Variants in PCDHA11 observed in about 807,000 individuals in gnomAD.
PCDHA11 encodes the protein protocadherin alpha 11.
In PCDHA11, 61 loss-of-function variants were observed where a neutral mutation model predicts 70.3. The observed-to-expected ratio is 0.87, with a 90% CI of 0.71 to 1.07. The LOEUF is 1.07. PCDHA11 is among the 50% of genes least tolerant of loss of function. PCDHA11 has a pLI of 0.00. For synonymous variants in PCDHA11, 633 were observed against 555.1 expected (o/e 1.14, Z -1.97); for missense variants, 1,324 against 1,237.5 (o/e 1.07, Z -1.05).
chr5:140,888,343 G>C (rs1476390329), intron 1 of PCDHA11, among the ~76,000 whole-genome samples: 1 of 152,152 alleles, frequency 6.6e-6, no homozygotes, highest in Admixed American at 6.5e-5. Context: ...ATTACAACTA[G>C]GGAATTGCTA....
At chr5:140,978,763 A>G (rs932766044) in intron 1 of PCDHA11, among the ~76,000 whole-genome samples, 186 bp from the exon 2 acceptor site, 11 of 152,258 alleles carry the variant, frequency 7.2e-5, no homozygotes, top group Non-Finnish European at 1.3e-4. Flanking sequence ...GAGGACCCTG[A>G]TGAACTAATT....
At chr5:140,927,481 G>A in intron 1 of PCDHA11, 1 of 1,614,072 alleles carries the variant, frequency 6.2e-7, no homozygotes, top group Non-Finnish European at 8.5e-7. Flanking sequence ...CGAACAGCGC[G>A]CCACCCACCT....
chr5:140,884,651 T>G (rs2153405863), intron 1 of PCDHA11: 2 of 1,604,404 alleles, frequency 1.2e-6, no homozygotes, highest in Non-Finnish European at 1.7e-6. Flanking sequence ...GGACTCAGAA[T>G]GCTTGAAAGA....
chr5:141,007,654 C>G (rs1461130528), intron 3 of PCDHA11, among the ~76,000 whole-genome samples: 1 of 152,052 alleles, frequency 6.6e-6, no homozygotes, highest in Non-Finnish European at 1.5e-5. Flanking sequence ...CCTAAAAAAC[C>G]ATAAATTTAC....
At chr5:140,934,163 G>A (rs2153618590) in intron 1 of PCDHA11, among the ~76,000 whole-genome samples, 1 of 152,110 alleles carries the variant, frequency 6.6e-6, no homozygotes, top group Non-Finnish European at 1.5e-5. Flanking sequence ...ATTTCAGTGT[G>A]CAACAGAAGT....
In PCDHA11 at chr5:140,988,105, A is replaced by C. The variant is rs2097283158; in HGVS notation, c.2539+5542A>C. On this transcript the variant is annotated intron_variant, in intron 3 of 3. Transcript: ENST00000398640. ...TGAGTGCAGCCTCGGGCCTTGTTGGAGAATTTAGAAAGCATGCTGTTCCAC... is the reference window on the plus strand; with the variant it reads ...TGAGTGCAGCCTCGGGCCTTGTTGGCGAATTTAGAAAGCATGCTGTTCCAC... Among the ~76,000 whole-genome samples the C allele has an allele frequency of 2.6e-5, 4 of 152,138 alleles. No individual in the cohort carries two copies. In the South Asian group the frequency reaches 8.3e-4, roughly 32 times the overall value.
At position 140,869,403 on chromosome 5, in the gene PCDHA11, G is replaced by C; in HGVS notation, c.300G>C (p.Ala100=). Residue 100 remains alanine, a synonymous_variant, in exon 1 of 4, where the codon GCG becomes GCC. Coordinates refer to ENST00000398640, the MANE Select transcript of PCDHA11 (RefSeq NM_018902.5). ...GCGAGGAGCTGTGCGGGCAGAGCGCGGAGTGCAGCATCCACCTGGAGGTGA... is the reference window on the plus strand; with the variant it reads ...GCGAGGAGCTGTGCGGGCAGAGCGCCGAGTGCAGCATCCACCTGGAGGTGA... ...IDREELCGQS[A]ECSIHLEVIV... is the part of the protein sequence containing the mutation. The C allele has an allele frequency of 1.9e-6, 3 of 1,614,206 alleles. No homozygotes were observed. The highest frequency in any genetic ancestry group is 2.5e-6 in the Non-Finnish European group (3 of 1,180,046).
intron 1 of PCDHA11, among the ~76,000 whole-genome samples, chr5:140,913,052 A>G (rs1554195709): frequency 6.6e-6 from 1 of 151,874 alleles, no homozygotes; most frequent in African/African-American, 2.4e-5. Context: ...CTGGAGTTTT[A>G]TTTTATTTTG....
chr5:140,936,820 T>C (rs2091164037), intron 1 of PCDHA11, among the ~76,000 whole-genome samples: 1 of 152,236 alleles, frequency 6.6e-6, no homozygotes, highest in Non-Finnish European at 1.5e-5. Flanking sequence ...TTTTTGGCCC[T>C]TTGCATTTCT....
At chr5:141,009,529 T>C in intron 3 of PCDHA11, 98 bp from the exon 4 acceptor site, 2 of 1,505,630 alleles carry the variant, frequency 1.3e-6, no homozygotes, top group Non-Finnish European at 1.8e-6. Context: ...TCTGGGGAGG[T>C]TCAGCCTGCC....
At chr5:140,968,986 A>ATGCTGTGGAGGC (rs782197469) in intron 1 of PCDHA11, 25 of 1,614,206 alleles carry the variant, frequency 1.5e-5, no homozygotes, top group Non-Finnish European at 1.9e-5. Flanking sequence ...ATGGCACTGC[A>ATGCTGTGGAGGC]TGCTGTGGAG....
intron 3 of PCDHA11, among the ~76,000 whole-genome samples, chr5:141,009,094 C>A (rs1350235475): frequency 6.6e-6 from 1 of 152,176 alleles, no homozygotes; most frequent in Non-Finnish European, 1.5e-5. Context: ...AAGAACCAAA[C>A]ATATGTTACT....
intron 1 of PCDHA11, chr5:140,883,301 G>C (rs1380648584): frequency 1.2e-6 from 2 of 1,613,968 alleles, no homozygotes; most frequent in African/African-American, 1.3e-5. Flanking sequence ...AGATGTAAAT[G>C]ATAACGCCCC....
intron 1 of PCDHA11, among the ~76,000 whole-genome samples, chr5:140,897,045 C>T (rs1362151452): frequency 3.3e-5 from 5 of 152,090 alleles, no homozygotes; most frequent in African/African-American, 9.7e-5. Context: ...TCACCCTATT[C>T]TGCTGTCAAA....
At position 140,869,849 on chromosome 5, in the gene PCDHA11, T is replaced by C; in HGVS notation, c.746T>C (p.Val249Ala). 3 of 1,611,006 alleles carry C rather than the reference T, an allele frequency of 1.9e-6. No individual in the cohort carries two copies. The highest frequency in any genetic ancestry group is 1.3e-5 in the African/African-American group (1 of 75,002). ...GAGTTTGATAAATCAGAATATAAGG[T>C]GAGCCTTATGGAAAATGCTGCTAAA... ...DPEFDKSEYK[V>A]SLMENAAKET... Residue 249 changes from valine (V) to alanine (A), a missense_variant, in exon 1 of 4, where the codon GTG becomes GCG. Transcript: ENST00000398640.
intron 3 of PCDHA11, among the ~76,000 whole-genome samples, chr5:141,005,561 G>T (rs1554260149): frequency 6.6e-6 from 1 of 151,354 alleles, no homozygotes. Flanking sequence ...AATTAGCCGG[G>T]CATGGTGGCG....
rs782627889 is a variant in PCDHA11, at chr5:140,870,382, C to G, written c.1279C>G (p.Arg427Gly). The stretch of plus-strand genomic sequence containing the variant: ...GGCCTATGAACTGGTGGTGACTGCG[C>G]GGGATGGGGGTTCGCCTTCTCTGTG... ...VWAYELVVTA[R>G]DGGSPSLWAT... Residue 427 changes from arginine (R) to glycine (G), a missense_variant, in exon 1 of 4, where the codon CGG becomes GGG. Physicochemically the swap from Arg to Gly is moderately radical, Grantham distance 125. Coordinates refer to ENST00000398640, the MANE Select transcript of PCDHA11 (RefSeq NM_018902.5). 12 of 1,614,062 alleles carry G rather than the reference C, an allele frequency of 7.4e-6. No individual in the cohort carries two copies. The highest frequency in any genetic ancestry group is 1.0e-5 in the Non-Finnish European group (12 of 1,180,048).
intron 2 of PCDHA11, among the ~76,000 whole-genome samples, chr5:140,980,627 T>C (rs1482574235): frequency 6.6e-6 from 1 of 151,860 alleles, no homozygotes; most frequent in African/African-American, 2.4e-5. Context: ...AGACTCTGTC[T>C]CAGAAGAATA....
In PCDHA11 at chr5:140,869,390, G is replaced by A; in HGVS notation, c.287G>A (p.Cys96Tyr). The change falls in exon 1 of 4, where the codon TGC (cysteine) becomes TAC (tyrosine). Residue 96 changes from cysteine (C) to tyrosine (Y), a missense_variant. Transcript: ENST00000398640. The stretch of plus-strand genomic sequence containing the variant: ...TCTCGGATCGACCGCGAGGAGCTGT[G>A]CGGGCAGAGCGCGGAGTGCAGCATC... The part of the protein sequence containing the change: ...VNSRIDREEL[C>Y]GQSAECSIHL... 2 of 1,614,230 alleles carry A rather than the reference G, an allele frequency of 1.2e-6. No homozygotes were observed. Among genetic ancestry groups the A allele is most frequent in the Non-Finnish European group, 1.7e-6 (2 of 1,180,048 alleles).
Sources: allele counts gnomAD v4.1 joint callset (sites outside exome capture counted in the v4.1 genomes callset), GRCh38; gene constraint gnomAD v4.1.1; transcripts MANE v1.5; gene names NCBI Gene and HGNC (gene_info 2026-07-23, HGNC 2026-07-21).